GRIK2: variants seen among roughly 807,000 people sequenced by gnomAD.
GRIK2 encodes the protein glutamate receptor ionotropic, kainate 2.
GRIK2 carries 32 observed loss-of-function variants against 100.3 expected under a neutral mutation model. The ratio of observed to expected loss-of-function variants is 0.32; its 90% confidence interval spans 0.24 to 0.43. The LOEUF (loss-of-function observed/expected upper bound fraction) is 0.43, where lower values mean the gene tolerates loss of function less well. GRIK2 is among the 20% of genes least tolerant of loss of function. The probability of loss-of-function intolerance (pLI) is 1.00; values close to 1 mark genes in which losing one functional copy is unlikely to be tolerated. For synonymous variants in GRIK2, 417 were observed against 389.4 expected (o/e 1.07, Z -0.83); for missense variants, 843 against 1,114.9 (o/e 0.76, Z 3.47).
At chr6:101,689,805 C>T (rs1771960161) in intron 7 of GRIK2, among the ~76,000 whole-genome samples, 1 of 152,116 alleles carries the variant, frequency 6.6e-6, no homozygotes, top group Non-Finnish European at 1.5e-5. Context: ...ACTTCCCAGA[C>T]ATAAACCCCT....
chr6:101,834,552 A>C (rs927076198), intron 10 of GRIK2, among the ~76,000 whole-genome samples: 3 of 152,150 alleles, frequency 2.0e-5, no homozygotes, highest in Admixed American at 2.0e-4. Flanking sequence ...TGATTACCAG[A>C]GTGCTTTGAA....
chr6:101,930,994 A>G (rs1462800125), intron 14 of GRIK2, among the ~76,000 whole-genome samples: 1 of 152,182 alleles, frequency 6.6e-6, no homozygotes, highest in African/African-American at 2.4e-5. Flanking sequence ...TAAGTTGACA[A>G]CTACCTTATG....
At chr6:101,670,857 A>G (rs1206220144) in intron 4 of GRIK2, among the ~76,000 whole-genome samples, 1 of 152,186 alleles carries the variant, frequency 6.6e-6, no homozygotes, top group Non-Finnish European at 1.5e-5. Context: ...AGAGTTTTAC[A>G]TGTTAAACCA....
At chr6:101,714,839 A>G (rs1487093398) in intron 7 of GRIK2, among the ~76,000 whole-genome samples, 2 of 151,760 alleles carry the variant, frequency 1.3e-5, no homozygotes, top group African/African-American at 4.8e-5. Flanking sequence ...ATTTTTTTAA[A>G]GTCTATAATG....
chr6:102,050,379 C>T (rs993030410), intron 15 of GRIK2, among the ~76,000 whole-genome samples: 4 of 151,874 alleles, frequency 2.6e-5, no homozygotes, highest in Non-Finnish European at 5.9e-5. Context: ...AGGGCCCCAG[C>T]ACGGTGGCTC....
intron 2 of GRIK2, among the ~76,000 whole-genome samples, chr6:101,544,842 A>G (rs1042437502): frequency 6.6e-6 from 1 of 151,780 alleles, no homozygotes; most frequent in Non-Finnish European, 1.5e-5. Context: ...TGAAATTAAA[A>G]CTCTGGTCTT....
Position 101,975,622 on chromosome 6 carries a change from G to GAAAC in GRIK2, c.2085+46992_2085+46995dup, listed in dbSNP as rs1793315451. ...AGGAAAAACTGGACTTGAGGAAATA[G>GAAAC]AAACAGCATGTGTGAAAATAAGAGT... On this transcript the variant is annotated intron_variant, in intron 14 of 16. Transcript: ENST00000369134. Among the ~76,000 whole-genome samples the GAAAC allele has an allele frequency of 5.3e-5, 8 of 151,998 alleles. No homozygotes were observed. In the South Asian group the frequency reaches 1.5e-3, roughly 28 times the overall value.
intron 3 of GRIK2, among the ~76,000 whole-genome samples, chr6:101,624,337 T>C (rs1476251815): frequency 6.6e-6 from 1 of 152,134 alleles, no homozygotes; most frequent in Non-Finnish European, 1.5e-5. Flanking sequence ...TAAAATCTCA[T>C]GTTGAGTGAA....
chr6:101,586,729 CAAATT>C (rs1277239604), intron 2 of GRIK2, among the ~76,000 whole-genome samples: 1 of 142,878 alleles, frequency 7.0e-6, no homozygotes, highest in Non-Finnish European at 1.5e-5. Flanking sequence ...AAAAAAAAAA[CAAATT>C]AAAAAATTAG....
intron 10 of GRIK2, among the ~76,000 whole-genome samples, chr6:101,835,589 G>GC (rs1403054790): frequency 6.8e-6 from 1 of 146,598 alleles, no homozygotes; most frequent in Non-Finnish European, 1.5e-5. Context: ...TCATGCCTCA[G>GC]CCCCCCGAGC....
chr6:101,890,769 GATTTA>G (rs1405000977), intron 12 of GRIK2, among the ~76,000 whole-genome samples: 1 of 151,658 alleles, frequency 6.6e-6, no homozygotes, highest in Non-Finnish European at 1.5e-5. Context: ...GTGTCAATAT[GATTTA>G]ATTTAACTTT....
intron 7 of GRIK2, among the ~76,000 whole-genome samples, chr6:101,793,206 C>T (rs1405456879): frequency 6.6e-6 from 1 of 152,234 alleles, no homozygotes; most frequent in Non-Finnish European, 1.5e-5. Context: ...CTTCTCTCAA[C>T]TTGTCAACGT....
Position 101,707,967 on chromosome 6 carries a change from C to T in GRIK2, c.951+21614C>T, listed in dbSNP as rs562370621. Among the ~76,000 whole-genome samples the T allele has an allele frequency of 5.3e-5, 8 of 151,754 alleles. No individual in the cohort carries two copies. In the South Asian group the frequency reaches 1.7e-3, roughly 31 times the overall value. On this transcript the variant is annotated intron_variant, in intron 7 of 16. Coordinates refer to ENST00000369134, the MANE Select transcript of GRIK2 (RefSeq NM_021956.5). The stretch of plus-strand genomic sequence containing the variant: ...ACAAAGGCAAGTAAATCAAGTGTTA[C>T]CTCTTCCCTTGTTAATTAGTTAAAA...
intron 2 of GRIK2, among the ~76,000 whole-genome samples, chr6:101,443,349 T>C (rs1770187792): frequency 6.6e-6 from 1 of 152,092 alleles, no homozygotes; most frequent in African/African-American, 2.4e-5. Flanking sequence ...AACTAAATAA[T>C]TTAATTCTAA....
intron 15 of GRIK2, among the ~76,000 whole-genome samples, chr6:102,048,378 A>C (rs1771008068): frequency 6.6e-6 from 1 of 152,082 alleles, no homozygotes; most frequent in Admixed American, 6.6e-5. Context: ...TCAAACTAAA[A>C]GTTTCTGCAA....
chr6:101,586,892 C>CAAAAA (rs1199378638), intron 2 of GRIK2, among the ~76,000 whole-genome samples: 48 of 53,842 alleles, frequency 8.9e-4, no homozygotes, highest in African/African-American at 1.8e-3. Context: ...TCTGTCTTAA[C>CAAAAA]AAAAAAAAAA....
At position 101,594,629 on chromosome 6, in the gene GRIK2, A is replaced by G. The variant is rs528970036; in HGVS notation, c.116-27320A>G. ...GATATAAGAAAATCCCTTACCAAAA[A>G]GACCTTAATGAAGAACAAAACAAAA... On this transcript the variant is annotated intron_variant, in intron 2 of 16. Coordinates refer to ENST00000369134, the MANE Select transcript of GRIK2 (RefSeq NM_021956.5). Among the ~76,000 whole-genome samples the G allele has an allele frequency of 2.6e-5, 4 of 151,936 alleles. No individual in the cohort carries two copies. The East Asian group carries it at 7.8e-4, about 30-fold the overall frequency.
chr6:101,937,989 G>A (rs545201719), intron 14 of GRIK2, among the ~76,000 whole-genome samples: 1 of 151,982 alleles, frequency 6.6e-6, no homozygotes, highest in Non-Finnish European at 1.5e-5. Context: ...AGACTAATTA[G>A]CATCTTTGGT....
intron 2 of GRIK2, among the ~76,000 whole-genome samples, chr6:101,508,470 A>G (rs1269550431): frequency 6.6e-6 from 1 of 152,156 alleles, no homozygotes; most frequent in Admixed American, 6.5e-5. Context: ...AGCAAAGCTT[A>G]ATATAACAGA....
Sources: gnomAD v4.1 joint callset for allele counts (sites outside exome capture counted in the v4.1 genomes callset) on GRCh38, gnomAD v4.1.1 for gene constraint, MANE v1.5 for transcripts, NCBI Gene and HGNC (gene_info 2026-07-23, HGNC 2026-07-21) for gene names.